The following TMC2 variants were observed in gnomAD, a reference collection of about 807,000 sequenced individuals.
TMC2 encodes the protein transmembrane channel-like protein 2.
In TMC2, 102 loss-of-function variants were observed where a neutral mutation model predicts 105.9. The observed-to-expected ratio is 0.96, with a 90% confidence interval of 0.82 to 1.14. TMC2 has a LOEUF of 1.14. TMC2 is among the 50% of genes most tolerant of loss of function. The pLI is 0.00. For missense variants in TMC2, 1,093 were observed against 1,134.3 expected (o/e 0.96, Z 0.52); for synonymous variants, 402 against 422.8 (o/e 0.95, Z 0.60).
At position 2,606,400 on chromosome 20, in the gene TMC2, C is replaced by T. The variant is rs565139853; in HGVS notation, c.1414-4019C>T. 3.9e-5 allele frequency among the ~76,000 whole-genome samples: 6 copies of T among 152,306 alleles called. No homozygotes were observed. In the East Asian group the frequency reaches 9.7e-4, roughly 25 times the overall value. ...TCAGCCTCCTGAGTAACTGGGATTA[C>T]AGGCACGCATCACCATGCCTGGCTA... On this transcript the variant is annotated intron_variant, in intron 11 of 19. Transcript: ENST00000358864.
intron 18 of TMC2, among the ~76,000 whole-genome samples, chr20:2,636,589 G>A (rs561547944): frequency 1.1e-3 from 158 of 146,238 alleles, no homozygotes; most frequent in African/African-American, 3.5e-3. Context: ...TCTTGCTACT[G>A]GTCCCCCCGT....
chr20:2,594,197 T>C (rs1208370936), intron 8 of TMC2, among the ~76,000 whole-genome samples: 1 of 151,036 alleles, frequency 6.6e-6, no homozygotes, highest in Non-Finnish European at 1.5e-5. Context: ...GGAACAGGGG[T>C]TCCCAACTAT....
At chr20:2,596,739 GTGTGTA>G (rs901264412) in intron 9 of TMC2, among the ~76,000 whole-genome samples, 1 of 150,428 alleles carries the variant, frequency 6.6e-6, no homozygotes, top group Non-Finnish European at 1.5e-5. Flanking sequence ...GTGTGTGTGT[GTGTGTA>G]TGTGTGTGTG....
At chr20:2,585,723 G>A (rs926302653) in intron 7 of TMC2, among the ~76,000 whole-genome samples, 10 of 152,184 alleles carry the variant, frequency 6.6e-5, no homozygotes, top group African/African-American at 2.4e-4. Context: ...CAGGTACTCA[G>A]TGGCTATTGG....
At chr20:2,632,585 TTTTTTG>T (rs751642134) in intron 17 of TMC2, among the ~76,000 whole-genome samples, 5 of 151,780 alleles carry the variant, frequency 3.3e-5, no homozygotes, top group East Asian at 1.9e-4. Flanking sequence ...ATTTTTGGGG[TTTTTTG>T]TTTTTGTTTT....
At chr20:2,596,717 ATGTG>A (rs35925886) in intron 9 of TMC2, among the ~76,000 whole-genome samples, 61 of 146,204 alleles carry the variant, frequency 4.2e-4, no homozygotes, top group South Asian at 2.2e-3. Flanking sequence ...AAAAATATAT[ATGTG>A]TGTGTGTGTG....
rs946363390 is a variant in TMC2, at chr20:2,642,268, A to C, written c.*917A>C. ...ATGAAAATAAAGGTAAATGGACCAA[A>C]GACCAGTCATGGAGAGTGGGGATTG... On this transcript the variant is annotated 3_prime_UTR_variant, in exon 20 of 20. Transcript: ENST00000358864. Among the ~76,000 whole-genome samples the C allele has an allele frequency of 1.3e-5, 2 of 152,198 alleles. No homozygotes were observed. The highest frequency in any genetic ancestry group is 2.9e-5 in the Non-Finnish European group (2 of 68,036).
At chr20:2,562,344 G>A (rs538942879) in intron 4 of TMC2, among the ~76,000 whole-genome samples, 24 of 152,360 alleles carry the variant, frequency 1.6e-4, no homozygotes, top group Non-Finnish European at 2.4e-4. Flanking sequence ...TCTCCTGGAA[G>A]CTTTCTAGAC....
intron 7 of TMC2, among the ~76,000 whole-genome samples, chr20:2,584,350 A>G (rs1223609845): frequency 7.0e-6 from 1 of 142,454 alleles, no homozygotes; most frequent in Non-Finnish European, 1.5e-5. Context: ...AGGCTGAGGC[A>G]GGAGAATGGC....
At chr20:2,579,041 G>A in intron 5 of TMC2, 105 bp from the exon 6 acceptor site, 1 of 683,292 alleles carries the variant, frequency 1.5e-6, no homozygotes, top group Admixed American at 2.2e-5. Flanking sequence ...CTTCACCCAT[G>A]CTGACTCATG....
At chr20:2,628,524 C>T (rs945441915) in intron 17 of TMC2, among the ~76,000 whole-genome samples, 16 of 152,118 alleles carry the variant, frequency 1.1e-4, no homozygotes, top group African/African-American at 2.7e-4. Flanking sequence ...ATTTCAAGGG[C>T]GGGGCCAAGT....
chr20:2,628,633 A>G (rs1395631991), intron 17 of TMC2, among the ~76,000 whole-genome samples: 2 of 152,116 alleles, frequency 1.3e-5, no homozygotes, highest in Non-Finnish European at 2.9e-5. Context: ...GGCTCTTCCC[A>G]CTTTGCTCGG....
chr20:2,543,118 T>A (rs2122796160), intron 2 of TMC2, among the ~76,000 whole-genome samples: 1 of 152,030 alleles, frequency 6.6e-6, no homozygotes, highest in South Asian at 2.1e-4. Flanking sequence ...ACACCTGTAA[T>A]CCCAGCTACT....
chr20:2,597,460 T>A (rs560178895), intron 10 of TMC2, among the ~76,000 whole-genome samples, 162 bp downstream of exon 10: 2 of 152,060 alleles, frequency 1.3e-5, no homozygotes. Flanking sequence ...TAAGTAAGAA[T>A]GTTCGTGGCT....
At chr20:2,589,973 G>A (rs1340635612) in intron 7 of TMC2, among the ~76,000 whole-genome samples, 1 of 152,152 alleles carries the variant, frequency 6.6e-6, no homozygotes, top group Non-Finnish European at 1.5e-5. Context: ...ATGGCCGGCA[G>A]TATTGTTTTT....
At chr20:2,593,604 A>G (rs957105501) in intron 8 of TMC2, among the ~76,000 whole-genome samples, 1 of 152,230 alleles carries the variant, frequency 6.6e-6, no homozygotes, top group African/African-American at 2.4e-5. Flanking sequence ...TTAATCAAAT[A>G]GGATCCCATC....
intron 12 of TMC2, among the ~76,000 whole-genome samples, chr20:2,611,829 A>AATGG (rs556611452): frequency 0.053 from 5,928 of 111,258 alleles, 550 homozygotes; most frequent in African/African-American, 0.096. Context: ...TAGATGGATG[A>AATGG]ATGGATGGAT....
At chr20:2,619,796 G>C (rs1194742250) in intron 16 of TMC2, among the ~76,000 whole-genome samples, 1 of 152,200 alleles carries the variant, frequency 6.6e-6, no homozygotes, top group African/African-American at 2.4e-5. Context: ...TGGGCCCTGG[G>C]TGCAAATGCC....
At position 2,597,167 on chromosome 20, in the gene TMC2, C is replaced by T; in HGVS notation, c.1093C>T (p.Gln365Ter). The T allele has an allele frequency of 6.2e-7, 1 of 1,613,538 alleles. No homozygotes were observed. The highest frequency in any genetic ancestry group is 8.5e-7 in the Non-Finnish European group (1 of 1,179,956). Residue 365 changes from glutamine (Q) to a stop codon, truncating the protein, a stop_gained, in exon 10 of 20, where the codon CAA becomes TAA. Coordinates refer to ENST00000358864, the MANE Select transcript of TMC2 (RefSeq NM_080751.3). LOFTEE classifies it high-confidence loss of function. ...IVIRSMASNTQGSTGEGESDN... is the reference protein window; with the variant it reads ...IVIRSMASNT ...GCCCTACAGGATGGCCAGCAATACC[C>T]AAGGAAGCACAGGCGAAGGGGAGAG...
Sources: gnomAD v4.1 joint callset for allele counts (sites outside exome capture counted in the v4.1 genomes callset) on GRCh38, gnomAD v4.1.1 for gene constraint, MANE v1.5 for transcripts, NCBI Gene and HGNC (gene_info 2026-07-23, HGNC 2026-07-21) for gene names.